The following FSIP1 variants were observed in gnomAD, a reference collection of about 807,000 sequenced individuals.
FSIP1 encodes the protein fibrous sheath-interacting protein 1.
FSIP1 carries 65 observed loss-of-function variants against 60.9 expected under a neutral mutation model. The observed-to-expected ratio is 1.07, with a 90% CI of 0.87 to 1.31. The LOEUF (loss-of-function observed/expected upper bound fraction) is 1.31, where lower values mean the gene tolerates loss of function less well. Ranked by LOEUF, FSIP1 falls within the 40% of genes most tolerant of loss-of-function variation. FSIP1 has a pLI of 0.00. For synonymous variants in FSIP1, 209 were observed against 221.2 expected (o/e 0.94, Z 0.49); for missense variants, 675 against 665.5 (o/e 1.01, Z -0.16).
At chr15:39,683,735 G>C (rs1181776319) in intron 10 of FSIP1, among the ~76,000 whole-genome samples, 1 of 152,106 alleles carries the variant, frequency 6.6e-6, no homozygotes, top group African/African-American at 2.4e-5. Flanking sequence ...AAGTTCACAG[G>C]ATAAAGTTCA....
chr15:39,773,378 T>C (rs1237605632), intron 2 of FSIP1, among the ~76,000 whole-genome samples: 1 of 152,216 alleles, frequency 6.6e-6, no homozygotes, highest in Non-Finnish European at 1.5e-5. Context: ...TTTGAAAACT[T>C]TGCTTTCAAT....
intron 10 of FSIP1, among the ~76,000 whole-genome samples, chr15:39,680,226 C>T (rs530563063): frequency 6.6e-6 from 1 of 152,174 alleles, no homozygotes; most frequent in South Asian, 2.1e-4. Context: ...CAAAAACCAA[C>T]AAAAGATGAG....
intron 1 of FSIP1, among the ~76,000 whole-genome samples, chr15:39,777,101 AT>A (rs796629708): frequency 1.3e-3 from 188 of 144,682 alleles, no homozygotes; most frequent in South Asian, 1.5e-3. Context: ...TAATTATAGT[AT>A]TTTTTTTTTT....
intron 10 of FSIP1, among the ~76,000 whole-genome samples, chr15:39,711,976 C>T (rs572164898): frequency 2.6e-5 from 4 of 152,136 alleles, no homozygotes; most frequent in South Asian, 4.2e-4. Context: ...CGTGAGCCAC[C>T]GCACCCAGCC....
intron 5 of FSIP1, among the ~76,000 whole-genome samples, chr15:39,754,160 C>A (rs750508820): frequency 1.3e-5 from 2 of 151,908 alleles, no homozygotes; most frequent in Non-Finnish European, 2.9e-5. Context: ...GAGGGGTTTG[C>A]GTAGTAAGAA....
In FSIP1 at chr15:39,699,318, C is replaced by T. The variant is rs1401705099; in HGVS notation, c.1188+14126G>A. Among the ~76,000 whole-genome samples, 11 of 152,084 alleles carry T rather than the reference C, an allele frequency of 7.2e-5. 2 individuals carry two copies. The highest frequency in any genetic ancestry group is 4.6e-4 in the Admixed American group (7 of 15,258). ...TATTATTGCAATTTTGTTAGAGATA[C>T]GAATAAATGCCTAGGGATAAGGGGA... On this transcript the variant is annotated intron_variant, in intron 10 of 11. Transcript: ENST00000350221.
rs67940382 is a variant in FSIP1, at chr15:39,696,870, C to CTGTGTGTG, written c.1188+16566_1188+16573dup. On this transcript the variant is annotated intron_variant, in intron 10 of 11. Transcript: ENST00000350221. The stretch of plus-strand genomic sequence containing the variant: ...GGAAAGGAGGAGGGGGAAGGGGTGT[C>CTGTGTGTG]TGTGTGTGTGTGTGTGTGTGTGTGT... Among the ~76,000 whole-genome samples the CTGTGTGTG allele has an allele frequency of 8.9e-5, 10 of 111,836 alleles. No homozygotes were observed. The East Asian group carries it at 9.1e-4, about 10-fold the overall frequency. 73.4% of individuals were successfully genotyped at this position (111,836 alleles called of 152,430 possible).
rs1203911565 is a variant in FSIP1, at chr15:39,730,985, A to AT, written c.892-4239dup. ...ACTACTCAAGACTCCCAATAAATTC[A>AT]TTTTCTGTTGCTTTAGCCAAAGTCC... is the stretch of plus-strand genomic sequence containing the variant. On this transcript the variant is annotated intron_variant, in intron 8 of 11. Coordinates refer to ENST00000350221, the MANE Select transcript of FSIP1 (RefSeq NM_152597.5). Among the ~76,000 whole-genome samples the AT allele has an allele frequency of 3.3e-5, 5 of 152,132 alleles. No individual in the cohort carries two copies. The East Asian group carries it at 9.6e-4, about 29-fold the overall frequency.
At chr15:39,660,720 C>A (rs1206238329) in intron 10 of FSIP1, among the ~76,000 whole-genome samples, 1 of 152,114 alleles carries the variant, frequency 6.6e-6, no homozygotes, top group Non-Finnish European at 1.5e-5. Flanking sequence ...TATCTTCATG[C>A]TAAAGTTTAG....
chr15:39,659,347 C>T (rs1566873431), intron 10 of FSIP1, among the ~76,000 whole-genome samples: 1 of 152,066 alleles, frequency 6.6e-6, no homozygotes, highest in Non-Finnish European at 1.5e-5. Context: ...TCGAGACCAT[C>T]CTGGCTAACA....
intron 10 of FSIP1, among the ~76,000 whole-genome samples, chr15:39,713,159 CA>C (rs2140553851): frequency 6.6e-6 from 1 of 152,256 alleles, no homozygotes; most frequent in African/African-American, 2.4e-5. Flanking sequence ...AGCTTTTATT[CA>C]CATTGTTACT....
At chr15:39,636,018 A>G (rs1254467930) in intron 10 of FSIP1, among the ~76,000 whole-genome samples, 1 of 152,096 alleles carries the variant, frequency 6.6e-6, no homozygotes, top group Non-Finnish European at 1.5e-5. Flanking sequence ...CCTCTCAAGG[A>G]AAACAATTGG....
At chr15:39,688,140 C>T (rs958051094) in intron 10 of FSIP1, among the ~76,000 whole-genome samples, 1 of 152,126 alleles carries the variant, frequency 6.6e-6, no homozygotes, top group African/African-American at 2.4e-5. Context: ...TCAGACCAGT[C>T]GATGCAATCG....
intron 10 of FSIP1, among the ~76,000 whole-genome samples, chr15:39,622,865 C>T (rs956413058): frequency 3.3e-5 from 5 of 152,134 alleles, no homozygotes; most frequent in African/African-American, 1.2e-4. Context: ...ATTTTTCTGT[C>T]CATTCTATCA....
intron 10 of FSIP1, among the ~76,000 whole-genome samples, chr15:39,672,441 A>T (rs906456317): frequency 6.6e-6 from 1 of 152,204 alleles, no homozygotes; most frequent in African/African-American, 2.4e-5. Context: ...AATAGTACAG[A>T]CAAGATAGAA....
At chr15:39,745,980 G>A (rs904271495) in intron 5 of FSIP1, among the ~76,000 whole-genome samples, 1 of 152,104 alleles carries the variant, frequency 6.6e-6, no homozygotes, top group African/African-American at 2.4e-5. Flanking sequence ...TCAGGAGGCT[G>A]AGGTGGGAGG....
At chr15:39,684,908 A>T (rs184730154) in intron 10 of FSIP1, among the ~76,000 whole-genome samples, 13 of 152,288 alleles carry the variant, frequency 8.5e-5, no homozygotes, top group African/African-American at 3.1e-4. Flanking sequence ...AGGGTCAAGT[A>T]ACTTCTCCAA....
At chr15:39,701,180 C>T (rs1381667920) in intron 10 of FSIP1, among the ~76,000 whole-genome samples, 1 of 152,010 alleles carries the variant, frequency 6.6e-6, no homozygotes, top group Non-Finnish European at 1.5e-5. Context: ...GATCAGGGAG[C>T]ACACTTATTT....
intron 10 of FSIP1, among the ~76,000 whole-genome samples, chr15:39,663,457 T>A (rs926983018): frequency 1.3e-5 from 2 of 152,032 alleles, no homozygotes; most frequent in Non-Finnish European, 2.9e-5. Flanking sequence ...GGTAAATATA[T>A]CCAACTCAAT....
Sources: allele counts gnomAD v4.1 joint callset (sites outside exome capture counted in the v4.1 genomes callset), GRCh38; gene constraint gnomAD v4.1.1; transcripts MANE v1.5; gene names NCBI Gene and HGNC (gene_info 2026-07-23, HGNC 2026-07-21).